Variants in WWC2 observed in about 807,000 individuals in gnomAD.
The protein encoded by WWC2 is WW and C2 domain containing 2.
WWC2 carries 101 observed loss-of-function variants against 138.5 expected under a neutral mutation model. That is an observed-to-expected ratio of 0.73 (90% confidence interval 0.62 to 0.86). The LOEUF (loss-of-function observed/expected upper bound fraction) is 0.86, where lower values mean the gene tolerates loss of function less well. WWC2 is among the 40% of genes least tolerant of loss of function. WWC2 has a pLI of 0.00. For synonymous variants in WWC2, 558 were observed against 538.4 expected (o/e 1.04, Z -0.50); for missense variants, 1,420 against 1,419.4 (o/e 1.00, Z -0.01).
At position 183,319,621 on chromosome 4, in the gene WWC2, C is replaced by G; in HGVS notation, c.*3892C>G. On this transcript the variant is annotated 3_prime_UTR_variant, in exon 23 of 23. Transcript: ENST00000403733. ...TGATGATCTTGTGTTTGTGCCACTG[C>G]GTAGTGGCCCGAAGCTAGGGGAGCG... 6.2e-7 allele frequency: 1 copy of G among 1,614,060 alleles called. No individual in the cohort carries two copies. The highest frequency in any genetic ancestry group is 1.1e-5 in the South Asian group (1 of 91,066).
At chr4:183,166,356 G>A (rs1389827237) in intron 1 of WWC2, among the ~76,000 whole-genome samples, 2 of 152,172 alleles carry the variant, frequency 1.3e-5, no homozygotes, top group East Asian at 3.9e-4. Context: ...TGTCTGTCAA[G>A]TTCATTGCAG....
chr4:183,229,875 G>T (rs1736190649), intron 4 of WWC2, among the ~76,000 whole-genome samples: 1 of 152,022 alleles, frequency 6.6e-6, no homozygotes, highest in Non-Finnish European at 1.5e-5. Flanking sequence ...GCCAAGGCTG[G>T]AGTGCAGCGG....
chr4:183,250,036 C>T, intron 8 of WWC2, 43 bp downstream of exon 8: 1 of 1,542,224 alleles, frequency 6.5e-7, no homozygotes, highest in South Asian at 1.1e-5. Context: ...CAAACATTTT[C>T]TTTTCCAGAA....
intron 1 of WWC2, among the ~76,000 whole-genome samples, chr4:183,190,017 A>G (rs1045582486): frequency 6.6e-6 from 1 of 152,240 alleles, no homozygotes; most frequent in East Asian, 1.9e-4. Context: ...AATTTTGCAT[A>G]TAAACGTTGG....
intron 9 of WWC2, among the ~76,000 whole-genome samples, chr4:183,259,435 G>A (rs1367230308): frequency 6.6e-6 from 1 of 152,008 alleles, no homozygotes; most frequent in Non-Finnish European, 1.5e-5. Flanking sequence ...ATGGTGATGG[G>A]GCATAACGCT....
intron 4 of WWC2, among the ~76,000 whole-genome samples, chr4:183,228,909 A>G (rs1736156367): frequency 6.6e-6 from 1 of 152,120 alleles, no homozygotes; most frequent in Non-Finnish European, 1.5e-5. Context: ...AAATCAACGT[A>G]CACAACTGCA....
At chr4:183,287,708 G>T (rs1738304321) in intron 20 of WWC2, among the ~76,000 whole-genome samples, 1 of 152,152 alleles carries the variant, frequency 6.6e-6, no homozygotes, top group Admixed American at 6.5e-5. Context: ...TGAGGAAAAG[G>T]TTCATCTGAA....
intron 8 of WWC2, among the ~76,000 whole-genome samples, chr4:183,253,077 C>T (rs1008734136): frequency 2.6e-5 from 4 of 152,118 alleles, no homozygotes; most frequent in East Asian, 1.9e-4. Flanking sequence ...GACAGGGTCT[C>T]GCTATGTTGC....
chr4:183,188,091 T>C (rs1734868028), intron 1 of WWC2, among the ~76,000 whole-genome samples: 1 of 152,166 alleles, frequency 6.6e-6, no homozygotes, highest in Non-Finnish European at 1.5e-5. Context: ...TAAACAGTAA[T>C]ATAAGTTGCC....
At chr4:183,111,076 A>G (rs2152887555) in intron 1 of WWC2, among the ~76,000 whole-genome samples, 1 of 152,246 alleles carries the variant, frequency 6.6e-6, no homozygotes, top group Middle Eastern at 3.4e-3. Context: ...CATCTCTACT[A>G]AAAATATAAA....
chr4:183,208,698 G>C (rs1735510734), intron 3 of WWC2, among the ~76,000 whole-genome samples: 1 of 152,150 alleles, frequency 6.6e-6, no homozygotes, highest in African/African-American at 2.4e-5. Context: ...TGAGGACATA[G>C]TGTGTATAAA....
At chr4:183,228,495 C>T (rs1736139150) in intron 4 of WWC2, among the ~76,000 whole-genome samples, 1 of 152,008 alleles carries the variant, frequency 6.6e-6, no homozygotes, top group East Asian at 1.9e-4. Context: ...ATTTTTCAAG[C>T]ACATTTAGCA....
intron 20 of WWC2, among the ~76,000 whole-genome samples, chr4:183,288,112 A>G (rs1352600901): frequency 6.6e-6 from 1 of 152,216 alleles, no homozygotes; most frequent in Non-Finnish European, 1.5e-5. Flanking sequence ...GCATTTGTAG[A>G]GAGGAGAGGG....
intron 1 of WWC2, among the ~76,000 whole-genome samples, chr4:183,135,284 GTTTCTACTGTGTTA>G (rs1051052833): frequency 8.6e-4 from 130 of 151,826 alleles, no homozygotes; most frequent in Non-Finnish European, 1.4e-3. Context: ...GTTCATATAT[GTTTCTACTGTGTTA>G]TTTTGTACTT....
chr4:183,195,033 T>TAA (rs1735097528), intron 2 of WWC2, among the ~76,000 whole-genome samples: 1 of 152,200 alleles, frequency 6.6e-6, no homozygotes, highest in Admixed American at 6.5e-5. Context: ...AGCTTTTAAT[T>TAA]TTTCTAATAA....
chr4:183,268,864 C>T, intron 14 of WWC2, 107 bp from the exon 15 acceptor site: 1 of 1,195,440 alleles, frequency 8.4e-7, no homozygotes, highest in Non-Finnish European at 1.2e-6. Flanking sequence ...TGATCTTGAA[C>T]TCCACGATCC....
intron 1 of WWC2, among the ~76,000 whole-genome samples, chr4:183,123,465 C>T (rs1410946532): frequency 2.0e-5 from 3 of 149,722 alleles, no homozygotes; most frequent in Non-Finnish European, 4.4e-5. Context: ...CCCCACAAAA[C>T]TAAGGCATAT....
At chr4:183,160,865 A>C (rs1176286837) in intron 1 of WWC2, among the ~76,000 whole-genome samples, 3 of 152,174 alleles carry the variant, frequency 2.0e-5, no homozygotes, top group Admixed American at 6.5e-5. Flanking sequence ...TCAAATATTT[A>C]ATATTGATGA....
intron 9 of WWC2, among the ~76,000 whole-genome samples, chr4:183,259,056 G>A (rs1372313393): frequency 6.6e-6 from 1 of 152,126 alleles, no homozygotes; most frequent in Non-Finnish European, 1.5e-5. Flanking sequence ...AGCTCGGAAG[G>A]GGAATCACTT....
Sources: allele counts gnomAD v4.1 joint callset (sites outside exome capture counted in the v4.1 genomes callset), GRCh38; gene constraint gnomAD v4.1.1; transcripts MANE v1.5; gene names NCBI Gene and HGNC (gene_info 2026-07-23, HGNC 2026-07-21).